Variants in CAST observed in about 807,000 individuals in gnomAD.
CAST encodes the protein calpastatin, also known as MIR583 host.
Under a neutral mutation model 119.6 loss-of-function variants are expected in CAST, and 76 were observed. The observed-to-expected ratio is 0.64, with a 90% CI of 0.53 to 0.77. The LOEUF is 0.77. CAST is among the 30% of genes least tolerant of loss of function. The pLI is 0.00. For missense variants in CAST, 953 were observed against 946.5 expected (o/e 1.01, Z -0.09); for synonymous variants, 319 against 331.6 (o/e 0.96, Z 0.41).
At chr5:96,513,148 A>G in the CAST span, among the ~76,000 whole-genome samples, 3 of 152,244 alleles carry the variant, frequency 2.0e-5, no homozygotes, top group African/African-American at 7.2e-5. Context: ...ACCTTTGTCA[A>G]GTCTTGTTCC....
chr5:96,639,101 G>A (rs1376370983), intron 1 of CAST, among the ~76,000 whole-genome samples: 2 of 152,104 alleles, frequency 1.3e-5, no homozygotes, highest in African/African-American at 4.8e-5. Context: ...TACCAACATT[G>A]TATATAACTC....
chr5:96,609,951 AG>A, intron 1 of CAST, among the ~76,000 whole-genome samples: 1 of 152,152 alleles, frequency 6.6e-6, no homozygotes, highest in East Asian at 1.9e-4. Flanking sequence ...GAGATTTGGG[AG>A]GGGCCAGAGG....
the CAST span, among the ~76,000 whole-genome samples, chr5:96,066,342 C>T: frequency 6.6e-6 from 1 of 152,000 alleles, no homozygotes; most frequent in East Asian, 1.9e-4. Flanking sequence ...TGTCTCTGTA[C>T]TGTTCCATTC....
chr5:96,668,671 C>T (rs1167428238), intron 1 of CAST, among the ~76,000 whole-genome samples: 4 of 152,102 alleles, frequency 2.6e-5, no homozygotes, highest in Non-Finnish European at 4.4e-5. Flanking sequence ...AATTATCTGC[C>T]CAAGGTCACG....
the CAST span, among the ~76,000 whole-genome samples, chr5:96,089,386 G>A: frequency 6.6e-6 from 1 of 152,122 alleles, no homozygotes; most frequent in Admixed American, 6.5e-5. Context: ...TAGCATATGT[G>A]ATCAAGGAAG....
chr5:95,963,726 T>TC, the CAST span, among the ~76,000 whole-genome samples: 100 of 112,432 alleles, frequency 8.9e-4, no homozygotes, highest in African/African-American at 3.6e-3. Context: ...TCTCTCTCTC[T>TC]TTTTTTTTTT....
chr5:96,657,212 T>G (rs1446516839), upstream of CAST, among the ~76,000 whole-genome samples: 1 of 152,202 alleles, frequency 6.6e-6, no homozygotes, highest in Non-Finnish European at 1.5e-5. Context: ...CTGCCTTAAA[T>G]CTAACCAAAG....
chr5:96,332,713 C>T, the CAST span, among the ~76,000 whole-genome samples: 3 of 152,080 alleles, frequency 2.0e-5, no homozygotes, highest in Non-Finnish European at 1.5e-5. Flanking sequence ...GAAAACTGTC[C>T]GGCTAACACT....
intron 1 of CAST, among the ~76,000 whole-genome samples, chr5:96,600,652 CCT>C (rs1025117340): frequency 2.2e-4 from 33 of 152,086 alleles, no homozygotes; most frequent in African/African-American, 7.7e-4. Flanking sequence ...TCTATGTGTC[CCT>C]GTTTTCCTTC....
chr5:96,281,195 ATTG>A, the CAST span, among the ~76,000 whole-genome samples: 13 of 152,270 alleles, frequency 8.5e-5, no homozygotes, highest in East Asian at 7.7e-4. Flanking sequence ...CTGGACTTTT[ATTG>A]TTGTTGTTGC....
the CAST span, among the ~76,000 whole-genome samples, chr5:96,504,547 C>T: frequency 6.7e-5 from 10 of 149,540 alleles, no homozygotes; most frequent in Non-Finnish European, 5.9e-5. Context: ...TTTAACCTAA[C>T]GTGTTTTTTT....
At chr5:96,285,981 G>A in the CAST span, among the ~76,000 whole-genome samples, 2 of 152,306 alleles carry the variant, frequency 1.3e-5, no homozygotes, top group African/African-American at 4.8e-5. Context: ...TTCTCCCGCT[G>A]GGGTGGACAC....
the CAST span, among the ~76,000 whole-genome samples, chr5:96,451,415 G>T: frequency 1.3e-5 from 2 of 152,146 alleles, no homozygotes; most frequent in Non-Finnish European, 2.9e-5. Flanking sequence ...TTTAATAAAT[G>T]GTGTTGGGAA....
At chr5:96,285,099 C>T in the CAST span, among the ~76,000 whole-genome samples, 4 of 152,092 alleles carry the variant, frequency 2.6e-5, no homozygotes, top group African/African-American at 9.7e-5. Flanking sequence ...TTTCAAAGCT[C>T]AAATGAAATA....
At chr5:96,440,446 G>A in the CAST span, among the ~76,000 whole-genome samples, 3 of 152,196 alleles carry the variant, frequency 2.0e-5, no homozygotes, top group Non-Finnish European at 4.4e-5. Flanking sequence ...AGCAAGCCCA[G>A]TGGGTGCCCC....
Position 96,684,565 on chromosome 5 carries a change from C to CTT in CAST, c.138+8978_138+8979dup, listed in dbSNP as rs553311999. 5.7e-4 allele frequency among the ~76,000 whole-genome samples: 81 copies of CTT among 142,616 alleles called. No individual in the cohort carries two copies. In the East Asian group the frequency reaches 0.012, roughly 20 times the overall value. The allele number at this position is 142,616 out of a possible 152,430, so 93.6% of individuals were successfully genotyped here. On this transcript the variant is annotated intron_variant, in intron 2 of 31. Transcript: ENST00000675179. Reference sequence around the variant, plus strand: ...GAACTAAAGACCTCTGCATCACTATCTTTTTTTTTTTTTTTGAGATAGAGT... The same window carrying CTT: ...GAACTAAAGACCTCTGCATCACTATCTTTTTTTTTTTTTTTTTGAGATAGAGT...
At chr5:96,383,580 G>C in the CAST span, among the ~76,000 whole-genome samples, 1 of 152,122 alleles carries the variant, frequency 6.6e-6, no homozygotes, top group African/African-American at 2.4e-5. Flanking sequence ...CGAGTAGCTG[G>C]GACTACAGGC....
At chr5:96,000,678 G>A in the CAST span, among the ~76,000 whole-genome samples, 4 of 152,302 alleles carry the variant, frequency 2.6e-5, no homozygotes, top group South Asian at 4.1e-4. Flanking sequence ...AATCAAGGGA[G>A]TGGCTTTGTT....
At chr5:96,240,608 G>T in the CAST span, among the ~76,000 whole-genome samples, 7 of 151,994 alleles carry the variant, frequency 4.6e-5, no homozygotes, top group Non-Finnish European at 7.4e-5. Flanking sequence ...CTGTCACCCA[G>T]GCTGGAGTGC....
Sources: allele counts gnomAD v4.1 joint callset (sites outside exome capture counted in the v4.1 genomes callset), GRCh38; gene constraint gnomAD v4.1.1; transcripts MANE v1.5; gene names NCBI Gene and HGNC (gene_info 2026-07-23, HGNC 2026-07-21).